Variants in SETBP1 observed in about 807,000 individuals in gnomAD.
SETBP1 encodes the protein SET-binding protein.
In SETBP1, 9 loss-of-function variants were observed where a neutral mutation model predicts 101.0. That is an observed-to-expected ratio of 0.09 (90% confidence interval 0.05 to 0.16). The LOEUF (loss-of-function observed/expected upper bound fraction) is 0.16. Among genes scored for constraint, SETBP1 ranks in the 10% least tolerant of loss-of-function variants. SETBP1 has a pLI of 1.00. For synonymous variants in SETBP1, 818 were observed against 788.5 expected (o/e 1.04, Z -0.63); for missense variants, 1,858 against 2,033.8 (o/e 0.91, Z 1.66).
Position 44,952,805 on chromosome 18 carries a change from G to T in SETBP1, c.3465G>T (p.Lys1155Asn). ...TCCATAAGAGGAAACACAAACACAAGCATAAGCACAAGGAAGACCGGATCC... is the reference window on the plus strand; with the variant it reads ...TCCATAAGAGGAAACACAAACACAATCATAAGCACAAGGAAGACCGGATCC... The part of the protein sequence containing the change: ...GRLHKRKHKH[K>N]HKHKEDRILG... The change falls in exon 4 of 6, where the codon AAG becomes AAT. Residue 1155 changes from lysine (K) to asparagine (N), a missense_variant. This residue lies in a region of SETBP1 where 417 missense variants were observed against 389.1 expected (regional missense o/e 1.07). Transcript: ENST00000649279. The T allele has an allele frequency of 6.2e-7, 1 of 1,614,066 alleles. No homozygotes were observed. Among genetic ancestry groups the T allele is most frequent in the Non-Finnish European group, 8.5e-7 (1 of 1,180,028 alleles).
At chr18:44,981,897 G>A (rs1411285245) in intron 4 of SETBP1, among the ~76,000 whole-genome samples, 1 of 152,168 alleles carries the variant, frequency 6.6e-6, no homozygotes, top group Non-Finnish European at 1.5e-5. Context: ...AAAAACAACA[G>A]GGTATTAACG....
chr18:44,935,099 G>A (rs544985587), intron 3 of SETBP1, among the ~76,000 whole-genome samples: 2 of 109,424 alleles, frequency 1.8e-5, no homozygotes, highest in East Asian at 8.4e-4. Flanking sequence ...CACCCACAAG[G>A]CCAGTCATCC....
At chr18:44,877,145 C>G (rs1476746794) in intron 3 of SETBP1, 2 of 987,408 alleles carry the variant, frequency 2.0e-6, no homozygotes, top group African/African-American at 1.7e-5. Context: ...AGTATGGGCT[C>G]CAAGCCACAG....
intron 4 of SETBP1, chr18:44,986,971 A>G (rs1439748703): frequency 1.3e-5 from 2 of 152,044 alleles, no homozygotes; most frequent in Non-Finnish European, 2.9e-5. Flanking sequence ...AACTAAAACC[A>G]GTAACATAGT....
At chr18:44,840,200 C>G (rs1434981033) in intron 2 of SETBP1, among the ~76,000 whole-genome samples, 1 of 152,182 alleles carries the variant, frequency 6.6e-6, no homozygotes, top group African/African-American at 2.4e-5. Flanking sequence ...GTCAACATGG[C>G]AAATATATAA....
chr18:44,912,375 A>T (rs1321309517), intron 3 of SETBP1, among the ~76,000 whole-genome samples: 1 of 152,212 alleles, frequency 6.6e-6, no homozygotes, highest in African/African-American at 2.4e-5. Flanking sequence ...GTAGAGGACC[A>T]TATATGTTGT....
intron 1 of SETBP1, among the ~76,000 whole-genome samples, chr18:44,694,235 A>G (rs574528999): frequency 6.6e-6 from 1 of 152,286 alleles, no homozygotes; most frequent in African/African-American, 2.4e-5. Context: ...CACTCCCACC[A>G]TGGCTGAGCT....
At chr18:44,913,437 C>T (rs369543359) in intron 3 of SETBP1, among the ~76,000 whole-genome samples, 1 of 152,322 alleles carries the variant, frequency 6.6e-6, no homozygotes, top group East Asian at 1.9e-4. Context: ...GTTCAGACTG[C>T]ATGCAGTGAG....
At chr18:45,031,094 T>C (rs1274774333) in intron 4 of SETBP1, among the ~76,000 whole-genome samples, 1 of 152,140 alleles carries the variant, frequency 6.6e-6, no homozygotes, top group East Asian at 1.9e-4. Flanking sequence ...GTTCTTTTAA[T>C]TGTGATGTTA....
intron 4 of SETBP1, among the ~76,000 whole-genome samples, chr18:44,960,100 T>C (rs2071578512): frequency 6.6e-6 from 1 of 152,144 alleles, no homozygotes; most frequent in African/African-American, 2.4e-5. Context: ...TCTCACCATG[T>C]TGGCCGGGCT....
At chr18:44,768,841 A>G (rs755034457) in intron 2 of SETBP1, among the ~76,000 whole-genome samples, 28 of 152,244 alleles carry the variant, frequency 1.8e-4, no homozygotes, top group Admixed American at 5.9e-4. Context: ...TAAGAAGACA[A>G]AGACTGCTTG....
At chr18:44,962,734 TAAG>T (rs1323123183) in intron 4 of SETBP1, among the ~76,000 whole-genome samples, 13 of 152,196 alleles carry the variant, frequency 8.5e-5, no homozygotes, top group African/African-American at 2.2e-4. Context: ...ACAAGCTGGA[TAAG>T]AAGAAGGAGG....
intron 2 of SETBP1, among the ~76,000 whole-genome samples, chr18:44,843,237 C>A (rs1482998280): frequency 6.6e-6 from 1 of 152,358 alleles, no homozygotes; most frequent in East Asian, 1.9e-4. Context: ...AGGCCTCACA[C>A]TGAGGGCCTG....
chr18:44,744,179 G>A (rs1456931078), intron 2 of SETBP1, among the ~76,000 whole-genome samples: 2 of 152,246 alleles, frequency 1.3e-5, no homozygotes, highest in African/African-American at 4.8e-5. Context: ...GCAGCGTTGA[G>A]TCTCAGGCTC....
chr18:44,939,062 G>T (rs770749077), intron 3 of SETBP1, among the ~76,000 whole-genome samples: 20 of 151,456 alleles, frequency 1.3e-4, no homozygotes, highest in South Asian at 4.2e-4. Context: ...TCTCATTTTT[G>T]ATTATTTTAA....
chr18:44,904,781 A>G (rs1031336787), intron 3 of SETBP1, among the ~76,000 whole-genome samples: 2 of 152,174 alleles, frequency 1.3e-5, no homozygotes, highest in Non-Finnish European at 2.9e-5. Flanking sequence ...TGGTTCTGCC[A>G]TCTGCTAGGT....
chr18:45,006,589 C>G (rs1427658268), intron 4 of SETBP1, among the ~76,000 whole-genome samples: 1 of 152,180 alleles, frequency 6.6e-6, no homozygotes, highest in Non-Finnish European at 1.5e-5. Flanking sequence ...ATGTATGCAT[C>G]GCCCCTAACT....
intron 4 of SETBP1, among the ~76,000 whole-genome samples, chr18:44,998,046 A>G (rs1568018315): frequency 6.6e-6 from 1 of 152,240 alleles, no homozygotes; most frequent in Non-Finnish European, 1.5e-5. Flanking sequence ...CGCAAAAGGC[A>G]GTGAGAGGCC....
chr18:44,720,111 G>A (rs1392555614), intron 2 of SETBP1, among the ~76,000 whole-genome samples: 3 of 152,098 alleles, frequency 2.0e-5, no homozygotes, highest in Non-Finnish European at 4.4e-5. Context: ...ATAGCCTCTG[G>A]GATGATAGAT....
Sources: gnomAD v4.1 joint callset for allele counts (sites outside exome capture counted in the v4.1 genomes callset) on GRCh38, gnomAD v4.1.1 for gene constraint, gnomAD v4.1.1 regional missense constraint, MANE v1.5 for transcripts, NCBI Gene and HGNC (gene_info 2026-07-23, HGNC 2026-07-21) for gene names.